LRP1B: variants seen among roughly 807,000 people sequenced by gnomAD.
LRP1B encodes LDL receptor related protein 1B.
Under a neutral mutation model 556.6 loss-of-function variants are expected in LRP1B, and 217 were observed. The observed-to-expected ratio is 0.39, with a 90% CI of 0.35 to 0.44. The LOEUF (loss-of-function observed/expected upper bound fraction) is 0.44, where lower values mean the gene tolerates loss of function less well. LRP1B is among the 20% of genes least tolerant of loss of function. The pLI is 1.00. For synonymous variants in LRP1B, 2,047 were observed against 1,865.8 expected (o/e 1.10, Z -2.50); for missense variants, 5,053 against 5,620.8 (o/e 0.90, Z 3.23).
At chr2:141,114,885 A>AG (rs386391361) in intron 7 of LRP1B, among the ~76,000 whole-genome samples, 5 of 151,758 alleles carry the variant, frequency 3.3e-5, no homozygotes. Flanking sequence ...ATGCAAAAAA[A>AG]AAAATTTATT....
At chr2:141,066,465 A>G (rs1257200435) in intron 7 of LRP1B, among the ~76,000 whole-genome samples, 1 of 152,060 alleles carries the variant, frequency 6.6e-6, no homozygotes, top group Admixed American at 6.6e-5. Flanking sequence ...TTATGGCACC[A>G]ATCATTTCTA....
chr2:140,684,930 T>C (rs1379695561), intron 41 of LRP1B, among the ~76,000 whole-genome samples: 1 of 152,176 alleles, frequency 6.6e-6, no homozygotes, highest in Non-Finnish European at 1.5e-5. Context: ...TCCCTTTCTA[T>C]TGTCTTTTCA....
intron 11 of LRP1B, among the ~76,000 whole-genome samples, chr2:141,038,954 A>ATG (rs1235617405): frequency 6.6e-6 from 1 of 152,098 alleles, no homozygotes; most frequent in Non-Finnish European, 1.5e-5. Flanking sequence ...TTATATATAT[A>ATG]ATAATACAAC....
At chr2:141,153,337 A>ATATT (rs1558896411) in intron 7 of LRP1B, among the ~76,000 whole-genome samples, 1 of 108,098 alleles carries the variant, frequency 9.3e-6, no homozygotes, top group East Asian at 3.9e-4. Flanking sequence ...TTTATATAAT[A>ATATT]ATATATTATA....
intron 41 of LRP1B, among the ~76,000 whole-genome samples, chr2:140,620,965 T>G (rs1683428039): frequency 6.6e-6 from 1 of 152,092 alleles, no homozygotes; most frequent in Non-Finnish European, 1.5e-5. Flanking sequence ...TGGGTTTTCT[T>G]TCTATATTAA....
chr2:140,604,473 C>T (rs899157608), intron 41 of LRP1B, among the ~76,000 whole-genome samples: 11 of 152,052 alleles, frequency 7.2e-5, no homozygotes, highest in African/African-American at 2.4e-4. Context: ...TAAACCACTA[C>T]TCTTGCAGCT....
chr2:140,727,089 T>G (rs1687620685), intron 35 of LRP1B, among the ~76,000 whole-genome samples: 1 of 152,146 alleles, frequency 6.6e-6, no homozygotes, highest in African/African-American at 2.4e-5. Flanking sequence ...TTTTTATCTG[T>G]GTGTATATTA....
At chr2:141,260,222 A>T (rs969801828) in intron 3 of LRP1B, among the ~76,000 whole-genome samples, 8 of 152,196 alleles carry the variant, frequency 5.3e-5, no homozygotes, top group Non-Finnish European at 2.9e-5. Flanking sequence ...ATCTCTTTGT[A>T]TCTATAAAAT....
chr2:140,777,628 A>G (rs951228495), intron 32 of LRP1B, among the ~76,000 whole-genome samples: 3 of 152,214 alleles, frequency 2.0e-5, no homozygotes, highest in African/African-American at 7.2e-5. Context: ...TAGTAGCACA[A>G]TGAAAAATAA....
intron 41 of LRP1B, among the ~76,000 whole-genome samples, chr2:140,654,663 A>G (rs565582433): frequency 6.6e-6 from 1 of 152,236 alleles, no homozygotes; most frequent in African/African-American, 2.4e-5. Flanking sequence ...CCCCGATAAC[A>G]CAGACTGACA....
At position 140,495,653 on chromosome 2, in the gene LRP1B, G is replaced by A. The variant is rs2104873510; in HGVS notation, c.8946C>T (p.Cys2982=). The A allele has an allele frequency of 6.2e-7, 1 of 1,613,934 alleles. No individual in the cohort carries two copies. Among genetic ancestry groups the A allele is most frequent in the Non-Finnish European group, 8.5e-7 (1 of 1,179,856 alleles). ...ACTTGTAAGTCCCGTATGTATTGAT[G>A]CATTGCTGGCTACAGGGAAAGCCTG... ...CSSGFPCSQQ[C]INTYGTYKCL... is the part of the protein sequence containing the mutation. Residue 2982 remains cysteine, a synonymous_variant, in exon 56 of 91, where the codon TGC becomes TGT. Coordinates refer to ENST00000389484, the MANE Select transcript of LRP1B (RefSeq NM_018557.3).
intron 7 of LRP1B, among the ~76,000 whole-genome samples, chr2:141,089,997 G>A (rs1480060941): frequency 6.6e-6 from 1 of 152,168 alleles, no homozygotes; most frequent in Non-Finnish European, 1.5e-5. Flanking sequence ...TCAGAATAGG[G>A]ATACAAATTA....
At chr2:141,680,438 G>T (rs1691061922) in intron 2 of LRP1B, among the ~76,000 whole-genome samples, 1 of 152,102 alleles carries the variant, frequency 6.6e-6, no homozygotes, top group Non-Finnish European at 1.5e-5. Flanking sequence ...TTCCCAAAAA[G>T]AAGTCCTTGG....
intron 2 of LRP1B, among the ~76,000 whole-genome samples, chr2:141,661,240 C>T (rs1001413185): frequency 6.6e-6 from 1 of 152,154 alleles, no homozygotes; most frequent in Non-Finnish European, 1.5e-5. Context: ...GAAAAAAATG[C>T]TGAAAACTCA....
At chr2:141,889,663 C>T (rs1699225534) in intron 1 of LRP1B, among the ~76,000 whole-genome samples, 2 of 152,084 alleles carry the variant, frequency 1.3e-5, no homozygotes, top group African/African-American at 4.8e-5. Flanking sequence ...TCACACTTTG[C>T]ATAATCATTA....
At chr2:141,951,751 T>G (rs1701110977) in intron 1 of LRP1B, among the ~76,000 whole-genome samples, 1 of 152,168 alleles carries the variant, frequency 6.6e-6, no homozygotes, top group Non-Finnish European at 1.5e-5. Context: ...AGCCAGAAAG[T>G]TAACTTATGT....
rs918398307 is a variant in LRP1B at position 140,923,041 on chromosome 2, A to G, written c.3243T>C (p.Asp1081=). 8 of 1,613,208 alleles carry G rather than the reference A, an allele frequency of 5.0e-6. No individual in the cohort carries two copies. In the African/African-American group the frequency reaches 5.3e-5, roughly 11 times the overall value. Reference sequence around the variant, plus strand: ...CATTGCAACCTTTTTCATCACTACCATCTTCACAGTCTTTTTCTCCATCAC... The same window carrying G: ...CATTGCAACCTTTTTCATCACTACCGTCTTCACAGTCTTTTTCTCCATCAC... ...WRCDGEKDCE[D]GSDEKGCNGT... is the part of the protein sequence containing the mutation. Residue 1081 remains aspartate (D), a synonymous_variant, in exon 21 of 91, where the codon GAT becomes GAC. Transcript: ENST00000389484.
At chr2:140,921,115 C>T (rs549908747) in intron 21 of LRP1B, among the ~76,000 whole-genome samples, 5 of 152,010 alleles carry the variant, frequency 3.3e-5, no homozygotes, top group African/African-American at 9.6e-5. Context: ...CATGCTTTGT[C>T]TGCAAATTTT....
At position 141,806,181 on chromosome 2, in the gene LRP1B, C is replaced by A. The variant is rs10211128; in HGVS notation, c.205+4098G>T. Among the ~76,000 whole-genome samples the A allele has an allele frequency of 7.4e-3, 1,123 of 152,146 alleles. 17 individuals are homozygous for A. Among genetic ancestry groups the A allele is most frequent in the African/African-American group, 0.025 (1,037 of 41,536 alleles). ...CAGAAAATTCTAGAAGGAATTAAAT[C>A]TTGAATACCTCAGAATAAAAGTGCC... is the stretch of plus-strand genomic sequence containing the variant. On this transcript the variant is annotated intron_variant, in intron 2 of 90. Coordinates refer to ENST00000389484, the MANE Select transcript of LRP1B (RefSeq NM_018557.3).
Sources: gnomAD v4.1 joint callset for allele counts (sites outside exome capture counted in the v4.1 genomes callset) on GRCh38, gnomAD v4.1.1 for gene constraint, MANE v1.5 for transcripts, NCBI Gene and HGNC (gene_info 2026-07-23, HGNC 2026-07-21) for gene names.